CLDN10: variants seen among roughly 807,000 people sequenced by gnomAD.
CLDN10 encodes claudin 10, also known as claudin-10.
A neutral mutation model predicts 22.9 loss-of-function variants in CLDN10; 15 were observed. That is an observed-to-expected ratio of 0.65 (90% CI 0.44 to 1.01). The LOEUF is 1.01. Among genes scored for constraint, CLDN10 ranks in the 50% least tolerant of loss-of-function variants. CLDN10 has a pLI of 0.00. For synonymous variants in CLDN10, 114 were observed against 111.4 expected (o/e 1.02, Z -0.15); for missense variants, 247 against 287.8 (o/e 0.86, Z 1.03).
At chr13:95,537,052 C>T (rs984101305) in intron 1 of CLDN10, among the ~76,000 whole-genome samples, 24 of 152,160 alleles carry the variant, frequency 1.6e-4, no homozygotes, top group African/African-American at 5.8e-4. Context: ...CTAAGGCTTG[C>T]TGAAGTAAAG....
At chr13:95,477,347 A>G (rs1233325995) in intron 1 of CLDN10, among the ~76,000 whole-genome samples, 1 of 152,166 alleles carries the variant, frequency 6.6e-6, no homozygotes, top group East Asian at 1.9e-4. Context: ...CCTATTTGTC[A>G]GATACCTGGT....
At chr13:95,446,213 T>C (rs915109954) in intron 1 of CLDN10, among the ~76,000 whole-genome samples, 1 of 152,160 alleles carries the variant, frequency 6.6e-6, no homozygotes, top group Non-Finnish European at 1.5e-5. Context: ...GGGGTTCTGC[T>C]AAGAGGCTGT....
chr13:95,489,893 T>A (rs2042851779), intron 1 of CLDN10, among the ~76,000 whole-genome samples: 1 of 152,202 alleles, frequency 6.6e-6, no homozygotes, highest in African/African-American at 2.4e-5. Context: ...TGATTTTTGT[T>A]TAAGGTGAGA....
At chr13:95,435,032 TG>T (rs545526704) in intron 1 of CLDN10, among the ~76,000 whole-genome samples, 9 of 152,192 alleles carry the variant, frequency 5.9e-5, no homozygotes, top group Non-Finnish European at 1.2e-4. Flanking sequence ...TAAGAATACA[TG>T]GGGCAAGCTT....
chr13:95,448,579 A>G (rs990258860), intron 1 of CLDN10, among the ~76,000 whole-genome samples: 8 of 152,120 alleles, frequency 5.3e-5, no homozygotes, highest in African/African-American at 1.9e-4. Context: ...TACCCACACC[A>G]TGCTCAGAAG....
At chr13:95,554,213 C>A (rs954481021) in intron 1 of CLDN10, among the ~76,000 whole-genome samples, 19 of 152,096 alleles carry the variant, frequency 1.2e-4, no homozygotes, top group African/African-American at 4.3e-4. Flanking sequence ...CCAGCATTAC[C>A]GTTGAATTTC....
chr13:95,448,804 A>G (rs1011204711), intron 1 of CLDN10, among the ~76,000 whole-genome samples: 9 of 150,858 alleles, frequency 6.0e-5, no homozygotes, highest in Non-Finnish European at 7.4e-5. Context: ...CAGTGGCACG[A>G]TCTCGGCTCA....
intron 1 of CLDN10, among the ~76,000 whole-genome samples, chr13:95,555,047 G>GTTTT (rs71211686): frequency 0.22 from 23,198 of 105,206 alleles, 2,685 homozygotes; most frequent in East Asian, 0.3. Context: ...TGTTAATCCA[G>GTTTT]TTTTTTTTTT....
chr13:95,541,777 C>A lies in CLDN10; in HGVS notation c.215-18355C>A, dbSNP rs115574295. Among the ~76,000 whole-genome samples the A allele has an allele frequency of 5.4e-3, 825 of 152,308 alleles. 11 individuals carry two copies. The highest frequency in any genetic ancestry group is 0.019 in the African/African-American group (786 of 41,562). The stretch of plus-strand genomic sequence containing the variant: ...ATGCCAGTCCAGTGCTATTTCCATA[C>A]ATTGCACCCAAGTTTAATGATTAAG... On this transcript the variant is annotated intron_variant, in intron 1 of 4. Coordinates refer to the CLDN10 transcript ENST00000376873.
At chr13:95,441,717 C>T (rs1007293662) in intron 1 of CLDN10, among the ~76,000 whole-genome samples, 26 of 152,324 alleles carry the variant, frequency 1.7e-4, no homozygotes, top group African/African-American at 5.1e-4. Flanking sequence ...TATAAGCTCT[C>T]CAGGTGTCTT....
At chr13:95,437,377 C>A (rs905545729) in intron 1 of CLDN10, among the ~76,000 whole-genome samples, 1 of 152,174 alleles carries the variant, frequency 6.6e-6, no homozygotes, top group African/African-American at 2.4e-5. Context: ...CTAAGTCTAC[C>A]ATAAGCTAGG....
At chr13:95,478,307 CAA>C (rs2042705494) in intron 1 of CLDN10, among the ~76,000 whole-genome samples, 1 of 151,962 alleles carries the variant, frequency 6.6e-6, no homozygotes, top group African/African-American at 2.4e-5. Context: ...GACTCTGTCT[CAA>C]AAATAAATAA....
At chr13:95,482,528 C>T (rs964118202) in intron 1 of CLDN10, among the ~76,000 whole-genome samples, 5 of 152,130 alleles carry the variant, frequency 3.3e-5, no homozygotes, top group African/African-American at 1.2e-4. Context: ...TCTCGGGCTG[C>T]CTTCAGTGCA....
intron 1 of CLDN10, among the ~76,000 whole-genome samples, chr13:95,467,330 C>CA (rs1042039361): frequency 1.3e-5 from 2 of 151,654 alleles, no homozygotes; most frequent in Admixed American, 6.6e-5. Flanking sequence ...TCATTGCATC[C>CA]AAAAAAAATC....
intron 3 of CLDN10, among the ~76,000 whole-genome samples, chr13:95,573,382 A>G (rs2043885962): frequency 6.6e-6 from 1 of 152,244 alleles, no homozygotes; most frequent in Non-Finnish European, 1.5e-5. Context: ...AACCTTTCAG[A>G]ATAATGAAGA....
chr13:95,556,877 AAGT>A (rs1235583047), intron 1 of CLDN10, among the ~76,000 whole-genome samples: 1 of 152,256 alleles, frequency 6.6e-6, no homozygotes, highest in Admixed American at 6.5e-5. Flanking sequence ...ATTGAAAATA[AAGT>A]ACACATAATT....
chr13:95,481,216 C>A (rs1406186528), intron 1 of CLDN10, among the ~76,000 whole-genome samples: 1 of 152,196 alleles, frequency 6.6e-6, no homozygotes, highest in Admixed American at 6.5e-5. Flanking sequence ...TGCCCTTGAC[C>A]TTGCAGACTC....
intron 1 of CLDN10, among the ~76,000 whole-genome samples, chr13:95,488,955 T>C (rs2042837997): frequency 6.8e-6 from 1 of 146,166 alleles, no homozygotes; most frequent in African/African-American, 2.5e-5. Flanking sequence ...TTGTTCTTTT[T>C]TTTTTTTTTT....
At chr13:95,569,929 C>T (rs977243833) in intron 3 of CLDN10, among the ~76,000 whole-genome samples, 4 of 152,096 alleles carry the variant, frequency 2.6e-5, no homozygotes, top group Non-Finnish European at 5.9e-5. Context: ...CCACCGCGCC[C>T]GGCTAATTTT....
Sources: gnomAD v4.1 joint callset for allele counts (sites outside exome capture counted in the v4.1 genomes callset) on GRCh38, gnomAD v4.1.1 for gene constraint, MANE v1.5 for transcripts, NCBI Gene and HGNC (gene_info 2026-07-23, HGNC 2026-07-21) for gene names.